Variants in NAF1 observed in about 807,000 individuals in gnomAD.
The protein encoded by NAF1 is H/ACA ribonucleoprotein complex non-core subunit NAF1.
Under a neutral mutation model 40.6 loss-of-function variants are expected in NAF1, and 11 were observed. That is an observed-to-expected ratio of 0.27 (90% CI 0.17 to 0.45). The LOEUF (loss-of-function observed/expected upper bound fraction) is 0.45, where lower values mean the gene tolerates loss of function less well. Among genes scored for constraint, NAF1 ranks in the 20% least tolerant of loss-of-function variants. NAF1 has a pLI of 1.00. For synonymous variants in NAF1, 260 were observed against 228.5 expected (o/e 1.14, Z -1.24); for missense variants, 607 against 611.1 (o/e 0.99, Z 0.07).
At chr4:163,120,915 G>A (rs1046392144) in intron 2 of NAF1, among the ~76,000 whole-genome samples, 1 of 151,900 alleles carries the variant, frequency 6.6e-6, no homozygotes, top group African/African-American at 2.4e-5. Context: ...TTTTTGAGAC[G>A]GAGTCTCGCT....
intron 2 of NAF1, chr4:163,157,184 G>A (rs1732021232): frequency 1.3e-5 from 2 of 151,972 alleles, no homozygotes; most frequent in Admixed American, 6.6e-5. Flanking sequence ...AAGCTTTATT[G>A]AGAGGCAATA....
chr4:163,146,450 A>T (rs989458947), intron 3 of NAF1, among the ~76,000 whole-genome samples: 1 of 152,242 alleles, frequency 6.6e-6, no homozygotes, highest in African/African-American at 2.4e-5. Context: ...AATGACACAA[A>T]TATTAAAGAA....
chr4:163,157,937 A>C (rs1052315506), intron 2 of NAF1, among the ~76,000 whole-genome samples: 4 of 152,218 alleles, frequency 2.6e-5, no homozygotes, highest in Non-Finnish European at 5.9e-5. Context: ...AACACTGTTG[A>C]CTTTTCAAGC....
chr4:163,151,928 T>C (rs954038458), intron 2 of NAF1, among the ~76,000 whole-genome samples: 2 of 152,174 alleles, frequency 1.3e-5, no homozygotes, highest in Non-Finnish European at 2.9e-5. Context: ...AGACCCTTTA[T>C]AGGGTATTGC....
downstream of NAF1, among the ~76,000 whole-genome samples, chr4:163,125,717 A>G (rs907827777): frequency 6.6e-6 from 1 of 152,240 alleles, no homozygotes; most frequent in Non-Finnish European, 1.5e-5. Flanking sequence ...ACTAAACAAC[A>G]GATTTTCAGT....
Position 163,165,542 on chromosome 4 carries a change from T to A in NAF1, c.365+821A>T, listed in dbSNP as rs556024722. On this transcript the variant is annotated intron_variant, in intron 1 of 7. Transcript: ENST00000274054. Reference sequence around the variant, plus strand: ...TACTTCCCCCTCCCAGTACATTTCATACCCTCTCCTTCTACTCAAATCCTT... The same window carrying A: ...TACTTCCCCCTCCCAGTACATTTCAAACCCTCTCCTTCTACTCAAATCCTT... Among the ~76,000 whole-genome samples the A allele has an allele frequency of 3.3e-5, 5 of 152,310 alleles. No individual in the cohort carries two copies. In the South Asian group the frequency reaches 1.0e-3, roughly 32 times the overall value.
intron 2 of NAF1, among the ~76,000 whole-genome samples, chr4:163,151,923 C>T (rs1388614939): frequency 6.6e-6 from 1 of 151,998 alleles, no homozygotes; most frequent in Non-Finnish European, 1.5e-5. Flanking sequence ...CAAATAGACC[C>T]TTTATAGGGT....
At chr4:163,119,677 G>A (rs1730458788) in intron 2 of NAF1, 1 of 152,082 alleles carries the variant, frequency 6.6e-6, no homozygotes, top group Admixed American at 6.6e-5. Context: ...GTGTTCTGTG[G>A]AATAATGGTA....
intron 6 of NAF1, chr4:163,134,877 T>C (rs1031692368): frequency 5.3e-5 from 8 of 152,304 alleles, no homozygotes; most frequent in African/African-American, 1.4e-4. Flanking sequence ...TTTTAAATAA[T>C]TGAACATCAT....
At chr4:163,121,677 TTC>T (rs746910875) in intron 2 of NAF1, among the ~76,000 whole-genome samples, 4 of 152,218 alleles carry the variant, frequency 2.6e-5, no homozygotes, top group South Asian at 2.1e-4. Context: ...TAGTTTTTAA[TTC>T]TTTTTTTAAG....
chr4:163,153,006 G>C (rs989982573), intron 2 of NAF1, among the ~76,000 whole-genome samples: 42 of 152,230 alleles, frequency 2.8e-4, no homozygotes, highest in Middle Eastern at 3.2e-3. Flanking sequence ...AGCTGAGGAG[G>C]GTGAACTGGG....
chr4:163,118,940 G>C (rs1459624892), intron 2 of NAF1, among the ~76,000 whole-genome samples: 2 of 152,142 alleles, frequency 1.3e-5, no homozygotes, highest in African/African-American at 2.4e-5. Context: ...TAGCATGACT[G>C]AATCTACTTT....
chr4:163,126,078 G>A (rs1343985770), downstream of NAF1, among the ~76,000 whole-genome samples: 3 of 152,086 alleles, frequency 2.0e-5, no homozygotes, highest in South Asian at 2.1e-4. Flanking sequence ...AATGTACCTG[G>A]TCACCCAAGA....
chr4:163,107,336 G>A (rs778225270), downstream of NAF1, among the ~76,000 whole-genome samples: 69 of 152,160 alleles, frequency 4.5e-4, no homozygotes, highest in Non-Finnish European at 8.5e-4. Flanking sequence ...GGGGATCATT[G>A]GGCCCAAAAG....
intron 2 of NAF1, chr4:163,117,333 T>C (rs994412837): frequency 2.6e-5 from 4 of 152,156 alleles, no homozygotes; most frequent in Non-Finnish European, 5.9e-5. Context: ...GCACTTAGGA[T>C]TGCATTCCCA....
chr4:163,143,729 T>G (rs565425832), intron 4 of NAF1, among the ~76,000 whole-genome samples: 1 of 152,266 alleles, frequency 6.6e-6, no homozygotes, highest in South Asian at 2.1e-4. Context: ...TGCTGCCACC[T>G]GGGAACAGCC....
At chr4:163,106,688 T>A (rs1029753789), downstream of NAF1, among the ~76,000 whole-genome samples, 14 of 152,286 alleles carry the variant, frequency 9.2e-5, no homozygotes, top group Middle Eastern at 6.8e-3. Context: ...TTATTTTAAT[T>A]AATAAATAAT....
Position 163,154,407 on chromosome 4 carries a change from AG to A in NAF1, c.541-5974del, listed in dbSNP as rs1731881354. ...AAATAGTATATACAAAATATGTAAGAGGTAAGTGAAACCATCCTTGTATAAT... is the reference window on the plus strand; with the variant it reads ...AAATAGTATATACAAAATATGTAAGAGTAAGTGAAACCATCCTTGTATAAT... On this transcript the variant is annotated intron_variant, in intron 2 of 7. Coordinates refer to ENST00000274054, the MANE Select transcript of NAF1 (RefSeq NM_138386.3). Among the ~76,000 whole-genome samples, 13 of 152,364 alleles carry A rather than the reference AG, an allele frequency of 8.5e-5. No homozygotes were observed. The South Asian group carries it at 2.7e-3, about 32-fold the overall frequency.
intron 5 of NAF1, among the ~76,000 whole-genome samples, chr4:163,137,814 T>C (rs979158016): frequency 6.6e-6 from 1 of 152,080 alleles, no homozygotes; most frequent in Non-Finnish European, 1.5e-5. Context: ...TATGAATAGT[T>C]GGAGGAAGAG....
Sources: allele counts gnomAD v4.1 joint callset (sites outside exome capture counted in the v4.1 genomes callset), GRCh38; gene constraint gnomAD v4.1.1; transcripts MANE v1.5; gene names NCBI Gene and HGNC (gene_info 2026-07-23, HGNC 2026-07-21).